The following TTC28 variants were observed in gnomAD, a reference collection of about 807,000 sequenced individuals.
The protein encoded by TTC28 is tetratricopeptide repeat protein 28.
A neutral mutation model predicts 198.0 loss-of-function variants in TTC28; 61 were observed. That is an observed-to-expected ratio of 0.31 (90% confidence interval 0.25 to 0.38). The LOEUF (loss-of-function observed/expected upper bound fraction) is 0.38, where lower values mean the gene tolerates loss of function less well. Ranked by LOEUF, TTC28 falls within the 10% of genes least tolerant of loss-of-function variation. The probability of loss-of-function intolerance (pLI) is 1.00; values close to 1 mark genes in which losing one functional copy is unlikely to be tolerated. For missense variants in TTC28, 2,678 were observed against 3,164.0 expected (o/e 0.85, Z 3.69); for synonymous variants, 1,171 against 1,297.8 (o/e 0.90, Z 2.10).
rs1936915670 is a variant in TTC28 at position 27,978,434 on chromosome 22, G to A, written c.*3787C>T. The A allele has an allele frequency of 6.6e-6, 1 of 151,888 alleles. No homozygotes were observed. Among genetic ancestry groups the A allele is most frequent in the Non-Finnish European group, 1.5e-5 (1 of 67,830 alleles). 9.4% of individuals were successfully genotyped at this position (151,888 alleles called of 1,614,324 possible). On this transcript the variant is annotated 3_prime_UTR_variant, in exon 23 of 23. Transcript: ENST00000397906. ...CAGATTATTGCATGGCATTTTTCCA[G>A]CCTGAACTGAAATTATCAAGGCTAC...
intron 2 of TTC28, among the ~76,000 whole-genome samples, chr22:28,362,207 T>C (rs1569283042): frequency 6.6e-6 from 1 of 152,146 alleles, no homozygotes; most frequent in South Asian, 2.1e-4. Context: ...AACTGAATCA[T>C]GGGGGCAAGT....
At chr22:28,620,379 A>T (rs117491707) in intron 2 of TTC28, among the ~76,000 whole-genome samples, 1,783 of 152,142 alleles carry the variant, frequency 0.012, 27 homozygotes, top group East Asian at 0.056. Flanking sequence ...AAGAAACAAT[A>T]GCCAACATCA....
intron 1 of TTC28, among the ~76,000 whole-genome samples, chr22:28,673,463 A>G (rs1447953973): frequency 6.6e-6 from 1 of 152,218 alleles, no homozygotes; most frequent in Non-Finnish European, 1.5e-5. Flanking sequence ...TGGCATTTCT[A>G]TGCCATAATG....
chr22:28,175,322 A>G (rs1745066772), intron 5 of TTC28, among the ~76,000 whole-genome samples: 1 of 152,246 alleles, frequency 6.6e-6, no homozygotes, highest in Non-Finnish European at 1.5e-5. Context: ...GAGTAAAGAG[A>G]CAACCTATAC....
At chr22:28,425,418 T>G (rs911108764) in intron 2 of TTC28, among the ~76,000 whole-genome samples, 34 of 152,176 alleles carry the variant, frequency 2.2e-4, no homozygotes, top group African/African-American at 8.0e-4. Flanking sequence ...AGAAGATGAA[T>G]AAGTGCCCAT....
At chr22:28,590,192 A>G (rs2050402147) in intron 2 of TTC28, among the ~76,000 whole-genome samples, 1 of 149,902 alleles carries the variant, frequency 6.7e-6, no homozygotes, top group African/African-American at 2.5e-5. Flanking sequence ...CAGCGGCGCA[A>G]TCTCGGCTCA....
chr22:28,010,946 G>A (rs190295368), intron 14 of TTC28, among the ~76,000 whole-genome samples: 3 of 152,260 alleles, frequency 2.0e-5, no homozygotes, highest in African/African-American at 7.2e-5. Context: ...CAGCTGCTGG[G>A]GACACAGAGA....
At chr22:28,094,304 T>G (rs1393238537) in intron 11 of TTC28, 59 bp from the exon 12 acceptor site, 4 of 1,450,926 alleles carry the variant, frequency 2.8e-6, no homozygotes, top group Admixed American at 5.0e-5. Context: ...AAAGGAGAAG[T>G]TGAAGGCAGG....
intron 19 of TTC28, among the ~76,000 whole-genome samples, chr22:27,991,778 G>A (rs1937419156): frequency 6.6e-6 from 1 of 152,312 alleles, no homozygotes; most frequent in Admixed American, 6.5e-5. Context: ...TGCAGCATGG[G>A]TACTGAGAAG....
chr22:28,220,456 C>T (rs1169636413), intron 5 of TTC28, among the ~76,000 whole-genome samples: 1 of 152,200 alleles, frequency 6.6e-6, no homozygotes, highest in Non-Finnish European at 1.5e-5. Flanking sequence ...GGATCTGCTT[C>T]CCTGCTTGTG....
intron 5 of TTC28, among the ~76,000 whole-genome samples, chr22:28,210,857 G>A (rs1328139066): frequency 6.6e-5 from 10 of 152,040 alleles, no homozygotes; most frequent in South Asian, 2.1e-4. Context: ...AAGTTGAAAC[G>A]AAGGAAAAAA....
At chr22:28,164,266 T>A (rs751877881) in intron 5 of TTC28, among the ~76,000 whole-genome samples, 10 of 152,174 alleles carry the variant, frequency 6.6e-5, no homozygotes, top group Non-Finnish European at 1.2e-4. Flanking sequence ...CAGACTTAAA[T>A]GTCCCTGTCT....
In TTC28 at chr22:28,297,873, C is replaced by T. The variant is rs1444837956; in HGVS notation, c.530-21G>A. On this transcript the variant is annotated intron_variant, in intron 3 of 22. Coordinates refer to ENST00000397906, the MANE Select transcript of TTC28 (RefSeq NM_001145418.2). ...GGAGTCTGAAAATAAACAACAATAA[C>T]AGCAACATAACAGGAGAATGTAGGA... The T allele has an allele frequency of 3.9e-6, 6 of 1,549,166 alleles. No individual in the cohort carries two copies. The Admixed American group carries it at 9.8e-5, about 25-fold the overall frequency.
chr22:28,148,248 C>T (rs1943517250), intron 6 of TTC28, among the ~76,000 whole-genome samples: 1 of 152,192 alleles, frequency 6.6e-6, no homozygotes, highest in Non-Finnish European at 1.5e-5. Context: ...TATCATAAAA[C>T]CTAATCACTG....
At chr22:28,254,214 C>A (rs1930726296) in intron 5 of TTC28, among the ~76,000 whole-genome samples, 1 of 151,574 alleles carries the variant, frequency 6.6e-6, no homozygotes, top group African/African-American at 2.4e-5. Context: ...CAGCAGGCCA[C>A]TGAATATATG....
At chr22:28,291,466 C>G (rs1260962293) in intron 5 of TTC28, among the ~76,000 whole-genome samples, 1 of 152,050 alleles carries the variant, frequency 6.6e-6, no homozygotes, top group Non-Finnish European at 1.5e-5. Context: ...ACAGTCAACC[C>G]AAGTAGTGAT....
At chr22:28,658,543 G>A (rs1049888379) in intron 1 of TTC28, among the ~76,000 whole-genome samples, 1 of 152,186 alleles carries the variant, frequency 6.6e-6, no homozygotes, top group Non-Finnish European at 1.5e-5. Flanking sequence ...AGAGGGAATA[G>A]GGATTTTATT....
At chr22:28,374,906 T>C (rs1029322802) in intron 2 of TTC28, among the ~76,000 whole-genome samples, 9 of 151,638 alleles carry the variant, frequency 5.9e-5, no homozygotes, top group African/African-American at 1.7e-4. Flanking sequence ...GGCCAGGCTG[T>C]TCATGAATGT....
intron 2 of TTC28, among the ~76,000 whole-genome samples, chr22:28,422,438 A>G (rs1212410638): frequency 6.6e-6 from 1 of 151,946 alleles, no homozygotes; most frequent in African/African-American, 2.4e-5. Flanking sequence ...ATAACATTAA[A>G]TAATTTTTTT....
Sources: gnomAD v4.1 joint callset for allele counts (sites outside exome capture counted in the v4.1 genomes callset) on GRCh38, gnomAD v4.1.1 for gene constraint, MANE v1.5 for transcripts, NCBI Gene and HGNC (gene_info 2026-07-23, HGNC 2026-07-21) for gene names.